KLHL8: variants seen among roughly 807,000 people sequenced by gnomAD.
KLHL8 encodes kelch like family member 8, also known as kelch-like protein 8.
A neutral mutation model predicts 63.5 loss-of-function variants in KLHL8; 38 were observed. The observed-to-expected ratio is 0.60, with a 90% CI of 0.46 to 0.78. The LOEUF (loss-of-function observed/expected upper bound fraction) is 0.78, where lower values mean the gene tolerates loss of function less well. Among genes scored for constraint, KLHL8 ranks in the 30% least tolerant of loss-of-function variants. The pLI, the probability that KLHL8 is intolerant of heterozygous loss-of-function variation, is 0.00. For missense variants in KLHL8, 566 were observed against 752.4 expected (o/e 0.75, Z 2.90); for synonymous variants, 224 against 254.3 (o/e 0.88, Z 1.13).
intron 1 of KLHL8, among the ~76,000 whole-genome samples, chr4:87,236,874 G>C (rs1201518900): frequency 1.3e-5 from 2 of 151,790 alleles, no homozygotes; most frequent in Admixed American, 6.6e-5. Context: ...ATGTTGGTCA[G>C]GCTGGTCTCG....
intron 3 of KLHL8, among the ~76,000 whole-genome samples, chr4:87,183,738 G>A (rs1015725311): frequency 2.2e-4 from 34 of 152,050 alleles, no homozygotes; most frequent in African/African-American, 8.0e-4. Flanking sequence ...ATAATCACAA[G>A]GCCCTTCTAT....
intron 8 of KLHL8, among the ~76,000 whole-genome samples, chr4:87,169,011 A>G (rs1578359642): frequency 6.6e-6 from 1 of 151,520 alleles, no homozygotes; most frequent in South Asian, 2.1e-4. Context: ...CTTTATTTAT[A>G]TGAAATACCT....
At chr4:87,187,129 T>C (rs1441266852) in intron 2 of KLHL8, among the ~76,000 whole-genome samples, 3 of 152,224 alleles carry the variant, frequency 2.0e-5, no homozygotes, top group Admixed American at 1.3e-4. Flanking sequence ...TTATTGTAAG[T>C]AGAGATGCTG....
intron 6 of KLHL8, among the ~76,000 whole-genome samples, chr4:87,172,806 T>C (rs1269920695): frequency 6.6e-6 from 1 of 152,216 alleles, no homozygotes; most frequent in Non-Finnish European, 1.5e-5. Flanking sequence ...TCTGTCAGAC[T>C]GTTTTCACTC....
At chr4:87,188,888 C>T (rs1731362563) in intron 2 of KLHL8, among the ~76,000 whole-genome samples, 2 of 152,212 alleles carry the variant, frequency 1.3e-5, no homozygotes. Context: ...CCTGATACTA[C>T]TTAATTTTCT....
upstream of KLHL8, among the ~76,000 whole-genome samples, chr4:87,222,838 C>G (rs912487216): frequency 6.6e-6 from 1 of 152,198 alleles, no homozygotes. Context: ...CTCGCCTCAG[C>G]CTCCCAAAGT....
At chr4:87,177,990 T>G (rs764764069) in intron 5 of KLHL8, among the ~76,000 whole-genome samples, 1 of 152,182 alleles carries the variant, frequency 6.6e-6, no homozygotes, top group Non-Finnish European at 1.5e-5. Context: ...GTGTTGCAAG[T>G]GGTTTTCATT....
chr4:87,234,669 T>C (rs1212674366), intron 1 of KLHL8, among the ~76,000 whole-genome samples: 3 of 152,218 alleles, frequency 2.0e-5, no homozygotes, highest in African/African-American at 7.2e-5. Context: ...TACTATACTT[T>C]TTATTGCTAT....
intron 2 of KLHL8, among the ~76,000 whole-genome samples, chr4:87,193,999 G>A (rs1454214825): frequency 6.6e-6 from 1 of 152,186 alleles, no homozygotes; most frequent in Non-Finnish European, 1.5e-5. Flanking sequence ...ATGCTTAAGT[G>A]TTAACTATAG....
intron 8 of KLHL8, among the ~76,000 whole-genome samples, chr4:87,168,649 GAT>G (rs762705445): frequency 2.0e-5 from 3 of 147,310 alleles, no homozygotes; most frequent in Non-Finnish European, 4.5e-5. Context: ...TTTTTTAAAA[GAT>G]ATATATATGT....
At chr4:87,203,127 A>G (rs1731981766) in intron 1 of KLHL8, among the ~76,000 whole-genome samples, 1 of 152,220 alleles carries the variant, frequency 6.6e-6, no homozygotes, top group African/African-American at 2.4e-5. Context: ...AAGCAAGAAA[A>G]AGAAAAGGCA....
chr4:87,171,764 T>G (rs1482211055), intron 6 of KLHL8, among the ~76,000 whole-genome samples: 1 of 152,228 alleles, frequency 6.6e-6, no homozygotes, highest in African/African-American at 2.4e-5. Flanking sequence ...CTCTGGCTAG[T>G]GCTTTTCAGC....
chr4:87,226,995 AT>A (rs1733036409), intron 1 of KLHL8, among the ~76,000 whole-genome samples: 1 of 93,216 alleles, frequency 1.1e-5, no homozygotes, highest in South Asian at 2.6e-4. Context: ...TAATATATAA[AT>A]AATATATATT....
intron 1 of KLHL8, among the ~76,000 whole-genome samples, chr4:87,214,413 C>CAGATATAT (rs1282155674): frequency 8.8e-5 from 4 of 45,330 alleles, no homozygotes; most frequent in Non-Finnish European, 2.0e-4. Context: ...TGGCACATAA[C>CAGATATAT]AGATATATAT....
intron 2 of KLHL8, among the ~76,000 whole-genome samples, chr4:87,191,241 GAC>G (rs1273130847): frequency 6.6e-6 from 1 of 152,216 alleles, no homozygotes; most frequent in African/African-American, 2.4e-5. Flanking sequence ...GGCTGAGGCA[GAC>G]AGATCGCTTG....
rs796185242 is a variant in KLHL8 at position 87,229,510 on chromosome 4, CA to C, written n.58-8121del. 1.1e-4 allele frequency among the ~76,000 whole-genome samples: 16 copies of C among 150,692 alleles called. No individual in the cohort carries two copies. In the East Asian group the frequency reaches 1.6e-3, roughly 15 times the overall value. On this transcript the variant is annotated intron_variant and non_coding_transcript_variant, in intron 1 of 1. Coordinates refer to the KLHL8 transcript ENST00000506274. Reference sequence around the variant, plus strand: ...AGTACAGTGGTGCGATCTTGGCTCGCAACCTCTGCCTCCCGGGTTCAAGCCA... The same window carrying C: ...AGTACAGTGGTGCGATCTTGGCTCGCACCTCTGCCTCCCGGGTTCAAGCCA...
chr4:87,196,970 T>C (rs1731721449), intron 1 of KLHL8, among the ~76,000 whole-genome samples: 1 of 152,246 alleles, frequency 6.6e-6, no homozygotes, highest in Non-Finnish European at 1.5e-5. Flanking sequence ...GCTCTGCTTA[T>C]TATGTAGTTT....
chr4:87,223,251 G>A, upstream of KLHL8, among the ~76,000 whole-genome samples: 1 of 151,990 alleles, frequency 6.6e-6, no homozygotes, highest in East Asian at 1.9e-4. Context: ...TGGGATTACA[G>A]GTGTAAGCCA....
intron 1 of KLHL8, among the ~76,000 whole-genome samples, chr4:87,209,855 T>A (rs572155568): frequency 2.1e-5 from 3 of 142,020 alleles, no homozygotes; most frequent in African/African-American, 7.5e-5. Flanking sequence ...TGGGTTTTTT[T>A]TTTTTTTTTT....
Sources: gnomAD v4.1 joint callset for allele counts (sites outside exome capture counted in the v4.1 genomes callset) on GRCh38, gnomAD v4.1.1 for gene constraint, MANE v1.5 for transcripts, NCBI Gene and HGNC (gene_info 2026-07-23, HGNC 2026-07-21) for gene names.